BAZ1A: variants seen among roughly 807,000 people sequenced by gnomAD.
The protein encoded by BAZ1A is bromodomain adjacent to zinc finger domain 1A, also known as bromodomain adjacent to zinc finger domain protein 1A.
BAZ1A carries 50 observed loss-of-function variants against 185.2 expected under a neutral mutation model. The ratio of observed to expected loss-of-function variants is 0.27; its 90% CI spans 0.22 to 0.34. The LOEUF is 0.34. Ranked by LOEUF, BAZ1A falls within the 10% of genes least tolerant of loss-of-function variation. BAZ1A has a pLI of 1.00. For missense variants in BAZ1A, 1,356 were observed against 1,839.9 expected (o/e 0.74, Z 4.81); for synonymous variants, 571 against 615.6 (o/e 0.93, Z 1.07).
At chr14:34,791,986 G>C (rs2138632399) in intron 12 of BAZ1A, among the ~76,000 whole-genome samples, 1 of 152,334 alleles carries the variant, frequency 6.6e-6, no homozygotes, top group African/African-American at 2.4e-5. Flanking sequence ...AAATTATCTA[G>C]TTCAAACTCA....
At chr14:34,786,368 A>ATTCTGC in intron 12 of BAZ1A, 147 bp from the exon 13 acceptor site, 1 of 640,332 alleles carries the variant, frequency 1.6e-6, no homozygotes, top group Admixed American at 3.3e-5. Flanking sequence ...CAATATTCAC[A>ATTCTGC]TTCTGCTTCA....
At chr14:34,773,464 T>G in intron 20 of BAZ1A, 108 bp downstream of exon 20, 1 of 1,011,050 alleles carries the variant, frequency 9.9e-7, no homozygotes, top group Non-Finnish European at 1.4e-6. Context: ...TCACGACAAG[T>G]TTTTAAAATA....
At chr14:34,849,817 T>C (rs987655855) in intron 3 of BAZ1A, among the ~76,000 whole-genome samples, 4 of 152,198 alleles carry the variant, frequency 2.6e-5, no homozygotes, top group African/African-American at 9.7e-5. Flanking sequence ...CTGCTGTCAG[T>C]ATACCCACCT....
intron 2 of BAZ1A, among the ~76,000 whole-genome samples, chr14:34,871,963 T>A (rs1235646260): frequency 6.6e-6 from 1 of 152,254 alleles, no homozygotes; most frequent in Non-Finnish European, 1.5e-5. Flanking sequence ...CATATCCACG[T>A]ACCACAAATG....
chr14:34,788,518 G>A (rs2138624166), intron 12 of BAZ1A, among the ~76,000 whole-genome samples: 1 of 152,102 alleles, frequency 6.6e-6, no homozygotes, highest in Admixed American at 6.5e-5. Context: ...TGCCCAGGCT[G>A]GTCTCACATT....
intron 3 of BAZ1A, among the ~76,000 whole-genome samples, chr14:34,832,211 C>A (rs201950200): frequency 3.1e-5 from 2 of 65,444 alleles, no homozygotes; most frequent in African/African-American, 4.9e-5. Context: ...CACACACACA[C>A]ACACATATAT....
At chr14:34,802,029 T>C (rs1353443177) in intron 7 of BAZ1A, among the ~76,000 whole-genome samples, 1 of 151,974 alleles carries the variant, frequency 6.6e-6, no homozygotes, top group Non-Finnish European at 1.5e-5. Flanking sequence ...ACTGGTAATA[T>C]ATAGAAAGAT....
intron 3 of BAZ1A, among the ~76,000 whole-genome samples, chr14:34,861,717 T>G (rs1232213133): frequency 6.6e-6 from 1 of 152,222 alleles, no homozygotes; most frequent in Non-Finnish European, 1.5e-5. Flanking sequence ...AGGACTAACC[T>G]TCAAGATCTT....
chr14:34,785,374 C>A (rs891873608), intron 14 of BAZ1A, among the ~76,000 whole-genome samples: 3 of 152,086 alleles, frequency 2.0e-5, no homozygotes, highest in Non-Finnish European at 4.4e-5. Context: ...CTTGTACATG[C>A]AATTTTTTAA....
chr14:34,842,600 TATAAA>T (rs1398956275), intron 3 of BAZ1A, among the ~76,000 whole-genome samples: 7 of 152,204 alleles, frequency 4.6e-5, no homozygotes, highest in East Asian at 1.9e-4. Context: ...TGACAAAAAT[TATAAA>T]ATAGTCAAGT....
chr14:34,801,905 C>CAAAAA lies in BAZ1A; in HGVS notation c.862-717_862-713dup, dbSNP rs375668563. Among the ~76,000 whole-genome samples, 7 of 113,168 alleles carry CAAAAA rather than the reference C, an allele frequency of 6.2e-5. 1 individual carries two copies. The highest frequency in any genetic ancestry group is 9.4e-5 in the Admixed American group (1 of 10,604). 74.2% of individuals were successfully genotyped at this position (113,168 alleles called of 152,430 possible). On this transcript the variant is annotated intron_variant, in intron 7 of 26. Transcript: ENST00000360310. ...TGGGTGACAGAGTGAGACTCCATCT[C>CAAAAA]AAAAAAAAAAAAAAAAGTGTTACTG... is the stretch of plus-strand genomic sequence containing the variant.
chr14:34,814,166 C>T (rs1235913922), intron 4 of BAZ1A, among the ~76,000 whole-genome samples: 1 of 151,794 alleles, frequency 6.6e-6, no homozygotes, highest in African/African-American at 2.4e-5. Flanking sequence ...TAGGTCTCAA[C>T]TTAGCAACTA....
At chr14:34,791,709 G>A (rs1264998097) in intron 12 of BAZ1A, among the ~76,000 whole-genome samples, 1 of 152,144 alleles carries the variant, frequency 6.6e-6, no homozygotes, top group Non-Finnish European at 1.5e-5. Context: ...GTTTTACTGT[G>A]AATTTTTATG....
intron 21 of BAZ1A, 82 bp from the exon 22 acceptor site, chr14:34,765,350 TA>T: frequency 6.7e-7 from 1 of 1,499,656 alleles, no homozygotes; most frequent in Non-Finnish European, 9.0e-7. Context: ...GTAGTTTAAA[TA>T]TAGGTTAGAT....
At chr14:34,838,038 T>C (rs1346396631) in intron 3 of BAZ1A, among the ~76,000 whole-genome samples, 3 of 150,828 alleles carry the variant, frequency 2.0e-5, no homozygotes. Flanking sequence ...ATGAAAACGA[T>C]TGTTACAACA....
intron 17 of BAZ1A, among the ~76,000 whole-genome samples, chr14:34,777,601 G>A (rs1209035279): frequency 2.8e-5 from 4 of 145,020 alleles, no homozygotes; most frequent in East Asian, 2.0e-4. Context: ...CCAAGATCAC[G>A]CCACTGTACT....
chr14:34,868,290 G>A (rs1408915197), intron 2 of BAZ1A, among the ~76,000 whole-genome samples: 1 of 152,156 alleles, frequency 6.6e-6, no homozygotes, highest in Non-Finnish European at 1.5e-5. Context: ...CTGGCCCTTT[G>A]CGGAAAAAAT....
At chr14:34,797,872 C>A (rs1289912117) in intron 9 of BAZ1A, among the ~76,000 whole-genome samples, 1 of 152,240 alleles carries the variant, frequency 6.6e-6, no homozygotes, top group Non-Finnish European at 1.5e-5. Context: ...GCGGGCATCG[C>A]CTCACCCGGG....
At chr14:34,789,219 G>A (rs1174685532) in intron 12 of BAZ1A, among the ~76,000 whole-genome samples, 2 of 152,110 alleles carry the variant, frequency 1.3e-5, no homozygotes, top group Non-Finnish European at 2.9e-5. Flanking sequence ...GTTGTAAAAG[G>A]TGTTGGCTCT....
Sources: gnomAD v4.1 joint callset for allele counts (sites outside exome capture counted in the v4.1 genomes callset) on GRCh38, gnomAD v4.1.1 for gene constraint, MANE v1.5 for transcripts, NCBI Gene and HGNC (gene_info 2026-07-23, HGNC 2026-07-21) for gene names.